SREK1IP1: variants seen among roughly 807,000 people sequenced by gnomAD.
The protein encoded by SREK1IP1 is protein SREK1IP1.
A neutral mutation model predicts 22.8 loss-of-function variants in SREK1IP1; 12 were observed. The observed-to-expected ratio is 0.53, with a 90% confidence interval of 0.34 to 0.85. The LOEUF is 0.85. Ranked by LOEUF, SREK1IP1 falls within the 40% of genes least tolerant of loss-of-function variation. The pLI is 0.02. For synonymous variants in SREK1IP1, 53 were observed against 52.7 expected, an observed-to-expected ratio of 1.01 and a Z score of -0.02; for missense variants, 147 against 171.8, an observed-to-expected ratio of 0.86 and a Z score of 0.81.
chr5:64,766,778 T>A (rs184749659), intron 1 of SREK1IP1, among the ~76,000 whole-genome samples: 5 of 152,358 alleles, frequency 3.3e-5, no homozygotes, highest in Admixed American at 3.3e-4. Flanking sequence ...ATTACTTGAT[T>A]TCTTTGTCCC....
chr5:64,727,718 T>G (rs1369339801), intron 4 of SREK1IP1: 1 of 152,582 alleles, frequency 6.6e-6, no homozygotes, highest in African/African-American at 2.4e-5. Flanking sequence ...ATAATTTTTC[T>G]TTTACTTTTT....
intron 1 of SREK1IP1, among the ~76,000 whole-genome samples, chr5:64,762,488 A>C (rs903217146): frequency 5.3e-5 from 8 of 152,178 alleles, no homozygotes; most frequent in Non-Finnish European, 1.2e-4. Context: ...ATCTATTTAT[A>C]TAATATATAT....
chr5:64,767,919 C>A (rs1426125709), intron 1 of SREK1IP1, among the ~76,000 whole-genome samples: 1 of 152,176 alleles, frequency 6.6e-6, no homozygotes, highest in Admixed American at 6.5e-5. Flanking sequence ...GTTTTTAGGT[C>A]AGTAACTTCT....
intron 3 of SREK1IP1, among the ~76,000 whole-genome samples, chr5:64,732,006 A>C (rs1223141292): frequency 6.6e-6 from 1 of 152,204 alleles, no homozygotes; most frequent in East Asian, 1.9e-4. Flanking sequence ...TTAAAAAGTC[A>C]CATCCAATGA....
intron 2 of SREK1IP1, among the ~76,000 whole-genome samples, chr5:64,744,896 T>G (rs769525030): frequency 6.6e-6 from 1 of 152,218 alleles, no homozygotes; most frequent in African/African-American, 2.4e-5. Context: ...CTAATTATCT[T>G]ATGGGAACTC....
intron 3 of SREK1IP1, among the ~76,000 whole-genome samples, chr5:64,740,175 C>G (rs1742529489): frequency 6.6e-6 from 1 of 152,042 alleles, no homozygotes; most frequent in African/African-American, 2.4e-5. Flanking sequence ...TCCACTCTCT[C>G]TCTAGGGAGA....
At chr5:64,730,309 G>C (rs1044684570) in intron 3 of SREK1IP1, among the ~76,000 whole-genome samples, 4 of 152,098 alleles carry the variant, frequency 2.6e-5, no homozygotes, top group Admixed American at 2.0e-4. Context: ...AAAACAAATG[G>C]AAATAAAAAG....
At chr5:64,746,374 A>G (rs1267885700) in intron 2 of SREK1IP1, among the ~76,000 whole-genome samples, 1 of 152,242 alleles carries the variant, frequency 6.6e-6, no homozygotes, top group Non-Finnish European at 1.5e-5. Context: ...AATGGTCGTC[A>G]GAATTAAAAA....
intron 2 of SREK1IP1, among the ~76,000 whole-genome samples, chr5:64,743,570 T>C (rs73097696): frequency 0.046 from 7,072 of 152,274 alleles, 469 homozygotes; most frequent in African/African-American, 0.14. Context: ...GTACTTAAAA[T>C]TATACAAGTA....
At chr5:64,755,136 G>C (rs1343106192) in intron 1 of SREK1IP1, among the ~76,000 whole-genome samples, 3 of 151,814 alleles carry the variant, frequency 2.0e-5, no homozygotes, top group Non-Finnish European at 2.9e-5. Context: ...TTCAGCCACT[G>C]TGGAAAGCAG....
intron 1 of SREK1IP1, among the ~76,000 whole-genome samples, chr5:64,765,296 G>A (rs2112120176): frequency 6.6e-6 from 1 of 152,282 alleles, no homozygotes; most frequent in East Asian, 1.9e-4. Flanking sequence ...CACGGGTGAA[G>A]CACATGATCA....
chr5:64,762,882 T>A (rs1002578708), intron 1 of SREK1IP1, among the ~76,000 whole-genome samples: 21 of 151,834 alleles, frequency 1.4e-4, no homozygotes, highest in African/African-American at 4.8e-4. Context: ...TGAAACTCCA[T>A]CTCTACTAAA....
chr5:64,753,231 T>C (rs1356293707), intron 2 of SREK1IP1, among the ~76,000 whole-genome samples: 1 of 152,160 alleles, frequency 6.6e-6, no homozygotes, highest in Non-Finnish European at 1.5e-5. Flanking sequence ...TTGAAGTAAA[T>C]GAAGCATTTG....
intron 4 of SREK1IP1, 73 bp from the exon 5 acceptor site, chr5:64,724,646 T>G (rs1742233493): frequency 8.3e-7 from 1 of 1,204,240 alleles, no homozygotes; most frequent in Non-Finnish European, 1.1e-6. Flanking sequence ...GGATTTGAAC[T>G]GCCTTAAATT....
chr5:64,748,895 T>C (rs1742689472), intron 2 of SREK1IP1, among the ~76,000 whole-genome samples: 1 of 152,040 alleles, frequency 6.6e-6, no homozygotes, highest in African/African-American at 2.4e-5. Context: ...ATGAAACCTA[T>C]TTCAGAGTTA....
At position 64,728,143 on chromosome 5, in the gene SREK1IP1, CT is replaced by C; in HGVS notation, c.241del (p.Ser81AlafsTer7). The C allele has an allele frequency of 7.1e-7, 1 of 1,413,382 alleles. No individual in the cohort carries two copies. The highest frequency in any genetic ancestry group is 1.6e-5 in the African/African-American group (1 of 62,474). 87.6% of individuals were successfully genotyped at this position (1,413,382 alleles called of 1,614,324 possible). On this transcript the variant is annotated frameshift_variant, in exon 4 of 5. Transcript: ENST00000513458. LOFTEE classifies it high-confidence loss of function. ...NEEEEKKKEKSKEKIKLKKKR... is the reference protein window; with the variant it reads ...NEEEEKKKEKXKEKIKLKKKR... The stretch of plus-strand genomic sequence containing the variant: ...TTTTTTCAATTTGATTTTTTCTTTG[CT>C]TTTTTCTTTCTTCTTTTCCTCTTCT...
At chr5:64,728,042 A>C (rs1158321127) in intron 4 of SREK1IP1, 65 bp downstream of exon 4, 1 of 1,148,764 alleles carries the variant, frequency 8.7e-7, no homozygotes, top group Admixed American at 4.6e-5. Context: ...CAAAAAATAA[A>C]ATTTTATAAT....
At chr5:64,761,964 T>C (rs1261720585) in intron 1 of SREK1IP1, among the ~76,000 whole-genome samples, 2 of 152,138 alleles carry the variant, frequency 1.3e-5, no homozygotes, top group Non-Finnish European at 2.9e-5. Context: ...ATAAAAGGAC[T>C]GAGAAAAATT....
chr5:64,724,661 T>C lies in SREK1IP1; in HGVS notation c.279-88A>G, dbSNP rs368544898. The C allele has an allele frequency of 1.3e-4, 136 of 1,067,520 alleles. No individual in the cohort carries two copies. The East Asian group carries it at 3.2e-3, about 25-fold the overall frequency. The allele number at this position is 1,067,520 out of a possible 1,614,324, so 66.1% of individuals were successfully genotyped here. The stretch of plus-strand genomic sequence containing the variant: ...GGATTTGAACTGCCTTAAATTCTTC[T>C]TGGAGTAAGGTAGGGAGTATAAACA... On this transcript the variant is annotated intron_variant, in intron 4 of 4. Transcript: ENST00000513458.
Sources: allele counts gnomAD v4.1 joint callset (sites outside exome capture counted in the v4.1 genomes callset), GRCh38; gene constraint gnomAD v4.1.1; transcripts MANE v1.5; gene names NCBI Gene and HGNC (gene_info 2026-07-23, HGNC 2026-07-21).